The following SNX14 variants were observed in gnomAD, a reference collection of about 807,000 sequenced individuals.
SNX14 encodes sorting nexin-14.
A neutral mutation model predicts 133.8 loss-of-function variants in SNX14; 93 were observed. The ratio of observed to expected loss-of-function variants is 0.70; its 90% CI spans 0.59 to 0.83. The LOEUF is 0.83. Ranked by LOEUF, SNX14 falls within the 40% of genes least tolerant of loss-of-function variation. The pLI is 0.00. For synonymous variants in SNX14, 368 were observed against 365.6 expected, an observed-to-expected ratio of 1.01 and a Z score of -0.07; for missense variants, 945 against 1,094.9, an observed-to-expected ratio of 0.86 and a Z score of 1.93.
At chr6:85,524,137 G>A (rs998683771) in intron 21 of SNX14, among the ~76,000 whole-genome samples, 3 of 149,462 alleles carry the variant, frequency 2.0e-5, no homozygotes, top group Non-Finnish European at 3.0e-5. Flanking sequence ...AGCCAAGATG[G>A]CACCACTGCA....
At chr6:85,541,154 A>G (rs1783611320) in intron 15 of SNX14, among the ~76,000 whole-genome samples, 1 of 151,952 alleles carries the variant, frequency 6.6e-6, no homozygotes, top group Non-Finnish European at 1.5e-5. Flanking sequence ...CACCACGCCC[A>G]GCTAATTTTT....
chr6:85,566,813 T>C (rs776635792), intron 5 of SNX14, among the ~76,000 whole-genome samples: 1 of 152,192 alleles, frequency 6.6e-6, no homozygotes, highest in Non-Finnish European at 1.5e-5. Flanking sequence ...TGTTCAAATA[T>C]ATATTAAACA....
intron 4 of SNX14, among the ~76,000 whole-genome samples, chr6:85,569,581 C>T (rs1204028072): frequency 1.3e-5 from 2 of 152,184 alleles, no homozygotes; most frequent in African/African-American, 4.8e-5. Context: ...AATCTAAGCT[C>T]CATCAGCATA....
At chr6:85,537,269 A>C (rs1003263849) in intron 16 of SNX14, among the ~76,000 whole-genome samples, 1 of 152,198 alleles carries the variant, frequency 6.6e-6, no homozygotes, top group African/African-American at 2.4e-5. Context: ...GCAATATTTC[A>C]AAATAGATTA....
At chr6:85,549,941 T>C (rs1318690411) in intron 7 of SNX14, 62 bp from the exon 8 acceptor site, 1 of 1,427,218 alleles carries the variant, frequency 7.0e-7, no homozygotes, top group Non-Finnish European at 9.6e-7. Flanking sequence ...TTCGGTCATT[T>C]CCACTAACAA....
At chr6:85,569,553 T>A (rs968687431) in intron 4 of SNX14, among the ~76,000 whole-genome samples, 2 of 152,216 alleles carry the variant, frequency 1.3e-5, no homozygotes, top group Admixed American at 6.5e-5. Flanking sequence ...AGAAAATCAC[T>A]GACTTCCAGA....
In SNX14 at chr6:85,505,997, C is replaced by T. The variant is rs772071901; in HGVS notation, c.2811G>A (p.Lys937=). The T allele has an allele frequency of 1.3e-6, 2 of 1,592,138 alleles. No individual in the cohort carries two copies. Among genetic ancestry groups the T allele is most frequent in the Admixed American group, 1.7e-5 (1 of 59,824 alleles). Residue 937 remains lysine, a synonymous_variant, in exon 29 of 29, where the codon AAG becomes AAA. Transcript: ENST00000314673. ...TCCAAGATGTCACAGAGGTAACTTC[C>T]TTTTGTACCTAAAGTAAAAATAAAT... ...ELFPELNKVQ[K]EVTSVTSWM is the part of the protein sequence containing the mutation.
chr6:85,551,490 G>A (rs963440442), intron 7 of SNX14, among the ~76,000 whole-genome samples: 1 of 152,294 alleles, frequency 6.6e-6, no homozygotes, highest in South Asian at 2.1e-4. Context: ...GCATTCAGCT[G>A]TATCAACCAA....
chr6:85,590,825 C>G (rs1802540807), intron 1 of SNX14, among the ~76,000 whole-genome samples: 1 of 152,214 alleles, frequency 6.6e-6, no homozygotes. Context: ...TTCACACCTG[C>G]TGGCATAGCT....
chr6:85,522,764 A>G (rs951775361), intron 21 of SNX14, among the ~76,000 whole-genome samples: 1 of 152,186 alleles, frequency 6.6e-6, no homozygotes, highest in African/African-American at 2.4e-5. Context: ...ATTCCTTATC[A>G]TGACACATTC....
chr6:85,528,908 C>G (rs1423223073), intron 19 of SNX14, among the ~76,000 whole-genome samples: 1 of 114,462 alleles, frequency 8.7e-6, no homozygotes, highest in Non-Finnish European at 2.1e-5. Flanking sequence ...AAAAATTAGC[C>G]AGGCGTGGTG....
chr6:85,517,685 T>C, intron 23 of SNX14, 71 bp downstream of exon 23: 1 of 1,481,170 alleles, frequency 6.8e-7, no homozygotes, highest in Non-Finnish European at 9.0e-7. Context: ...ATTCATTCTC[T>C]CGACAATGAA....
At chr6:85,520,699 G>C (rs537924886) in intron 21 of SNX14, among the ~76,000 whole-genome samples, 1 of 152,254 alleles carries the variant, frequency 6.6e-6, no homozygotes, top group South Asian at 2.1e-4. Flanking sequence ...GCTTACACTA[G>C]TTTGGTCTGT....
Position 85,529,879 on chromosome 6 carries a change from T to C in SNX14, c.1894+313A>G, listed in dbSNP as rs377110826. On this transcript the variant is annotated intron_variant, in intron 19 of 28. Transcript: ENST00000314673. ...TATCCTTGATATTAACCAAAATAAA[T>C]ACATTGATGAGACAGGAAGAACGAA... Among the ~76,000 whole-genome samples, 259 of 152,172 alleles carry C rather than the reference T, an allele frequency of 1.7e-3. 2 individuals are homozygous for C. Among genetic ancestry groups the C allele is most frequent in the African/African-American group, 5.2e-3 (217 of 41,518 alleles).
At chr6:85,519,022 T>C (rs1205603952) in intron 21 of SNX14, among the ~76,000 whole-genome samples, 1 of 152,222 alleles carries the variant, frequency 6.6e-6, no homozygotes, top group Admixed American at 6.5e-5. Flanking sequence ...GCTCTTAATG[T>C]ATCCCCTATT....
In SNX14 at chr6:85,579,739, C is replaced by T. The variant is rs184485978; in HGVS notation, c.141-5361G>A. Among the ~76,000 whole-genome samples, 178 of 152,310 alleles carry T rather than the reference C, an allele frequency of 1.2e-3. 1 individual carries two copies. The highest frequency in any genetic ancestry group is 3.9e-3 in the African/African-American group (163 of 41,570). On this transcript the variant is annotated intron_variant, in intron 1 of 28. Coordinates refer to ENST00000314673, the MANE Select transcript of SNX14 (RefSeq NM_153816.6). The stretch of plus-strand genomic sequence containing the variant: ...CAACTGCTCATCCCAGTAGTCCAAA[C>T]CTGAGTTTCAGCAATCCTTGACACC...
chr6:85,524,228 T>C (rs954031249), intron 21 of SNX14, among the ~76,000 whole-genome samples: 14 of 151,788 alleles, frequency 9.2e-5, no homozygotes, highest in Non-Finnish European at 2.1e-4. Context: ...AAGAGAAACA[T>C]TTATATATAG....
intron 1 of SNX14, among the ~76,000 whole-genome samples, chr6:85,575,659 G>A (rs1217293352): frequency 1.3e-5 from 2 of 152,214 alleles, no homozygotes; most frequent in Non-Finnish European, 2.9e-5. Flanking sequence ...GCTGACTGTG[G>A]GAATGATGAC....
chr6:85,570,572 T>C (rs2128187524), intron 4 of SNX14, among the ~76,000 whole-genome samples: 1 of 152,222 alleles, frequency 6.6e-6, no homozygotes. Flanking sequence ...ATGAGATACT[T>C]GTCCAGGCGC....
Sources: gnomAD v4.1 joint callset for allele counts (sites outside exome capture counted in the v4.1 genomes callset) on GRCh38, gnomAD v4.1.1 for gene constraint, MANE v1.5 for transcripts, NCBI Gene and HGNC (gene_info 2026-07-23, HGNC 2026-07-21) for gene names.